The following DIS3L2 variants were observed in gnomAD, a reference collection of about 807,000 sequenced individuals.
DIS3L2 encodes DIS3-like exonuclease 2.
DIS3L2 carries 34 observed loss-of-function variants against 97.5 expected under a neutral mutation model. That is an observed-to-expected ratio of 0.35 (90% CI 0.27 to 0.46). DIS3L2 has a LOEUF of 0.46. Ranked by LOEUF, DIS3L2 falls within the 20% of genes least tolerant of loss-of-function variation. DIS3L2 has a pLI of 1.00. For missense variants in DIS3L2, 1,038 were observed against 1,146.0 expected, an observed-to-expected ratio of 0.91 and a Z score of 1.36; for synonymous variants, 435 against 445.2, an observed-to-expected ratio of 0.98 and a Z score of 0.29.
chr2:232,237,347 A>G (rs1474219773), intron 10 of DIS3L2, among the ~76,000 whole-genome samples: 2 of 152,114 alleles, frequency 1.3e-5, no homozygotes, highest in East Asian at 3.9e-4. Context: ...AGACAGCTCC[A>G]CCAGGAAGGG....
At chr2:232,338,244 A>G (rs3020199), downstream of DIS3L2, among the ~76,000 whole-genome samples, 14 of 151,612 alleles carry the variant, frequency 9.2e-5, no homozygotes, top group South Asian at 2.1e-4. Context: ...GGCCAGGCTG[A>G]CCCTGTCCCC....
chr2:232,333,016 A>G (rs952636492), intron 16 of DIS3L2, among the ~76,000 whole-genome samples: 4 of 151,692 alleles, frequency 2.6e-5, no homozygotes, highest in African/African-American at 9.7e-5. Context: ...AAAGACCCAC[A>G]GGCTCCTTGG....
chr2:232,236,306 G>A (rs560860817), intron 10 of DIS3L2, among the ~76,000 whole-genome samples: 7 of 152,276 alleles, frequency 4.6e-5, no homozygotes, highest in African/African-American at 1.7e-4. Flanking sequence ...CCTTAGGACT[G>A]ATCATTCAGG....
At chr2:231,989,531 C>T (rs758999871) in intron 1 of DIS3L2, among the ~76,000 whole-genome samples, 6 of 151,922 alleles carry the variant, frequency 3.9e-5, no homozygotes, top group East Asian at 1.9e-4. Context: ...TCTCCCCAAA[C>T]GGTAATTAAG....
At chr2:232,004,763 G>A (rs1188182049) in intron 1 of DIS3L2, among the ~76,000 whole-genome samples, 3 of 151,878 alleles carry the variant, frequency 2.0e-5, no homozygotes, top group Non-Finnish European at 4.4e-5. Context: ...TGTGTTTTTA[G>A]TAGAGACGGG....
At chr2:232,237,122 T>C (rs1016134466) in intron 10 of DIS3L2, among the ~76,000 whole-genome samples, 1 of 152,374 alleles carries the variant, frequency 6.6e-6, no homozygotes, top group East Asian at 1.9e-4. Context: ...CACACATACA[T>C]GTATATGTAT....
In DIS3L2 at chr2:231,966,641, A is replaced by ATTTTTTTTTTT. The variant is rs36151054; in HGVS notation, c.-94+4900_-94+4910dup. ...CACCATGCCCAGCTAGTTAAAAAACATTTTTTTTTTTTTTTTTTTTTTTTT... is the reference window on the plus strand; with the variant it reads ...CACCATGCCCAGCTAGTTAAAAAACATTTTTTTTTTTTTTTTTTTTTTTTTTTTTTTTTTTT... On this transcript the variant is annotated intron_variant, in intron 1 of 20. Transcript: ENST00000325385. Among the ~76,000 whole-genome samples the ATTTTTTTTTTT allele has an allele frequency of 2.7e-3, 137 of 50,414 alleles. 1 individual carries two copies. The highest frequency in any genetic ancestry group is 0.022 in the Middle Eastern group (1 of 46). The allele number at this position is 50,414 out of a possible 152,430, so 33.1% of individuals were successfully genotyped here.
intron 5 of DIS3L2, among the ~76,000 whole-genome samples, chr2:232,081,963 T>C (rs942079261): frequency 2.0e-5 from 3 of 152,230 alleles, no homozygotes; most frequent in Non-Finnish European, 4.4e-5. Flanking sequence ...CTAATTTTTG[T>C]ATTTTTGGTA....
chr2:232,106,054 G>A (rs1697350086), intron 6 of DIS3L2, among the ~76,000 whole-genome samples: 1 of 151,954 alleles, frequency 6.6e-6, no homozygotes, highest in Admixed American at 6.6e-5. Context: ...CCTTTTCCAT[G>A]CTCTCTAGAT....
chr2:232,326,004 A>C (rs560645557), intron 14 of DIS3L2, among the ~76,000 whole-genome samples: 1 of 147,474 alleles, frequency 6.8e-6, no homozygotes, highest in South Asian at 2.1e-4. Flanking sequence ...ACCACCCAGG[A>C]TAGCTTGGGG....
At chr2:232,041,043 A>G (rs1200628584) in intron 5 of DIS3L2, among the ~76,000 whole-genome samples, 1 of 152,236 alleles carries the variant, frequency 6.6e-6, no homozygotes. Flanking sequence ...CATAACTAAA[A>G]GCTTAGTGTT....
At chr2:231,984,205 C>T (rs561323428) in intron 1 of DIS3L2, among the ~76,000 whole-genome samples, 2 of 151,636 alleles carry the variant, frequency 1.3e-5, no homozygotes, top group African/African-American at 4.8e-5. Context: ...ATAGGAATGC[C>T]TCTGGTGCTT....
intron 13 of DIS3L2, among the ~76,000 whole-genome samples, chr2:232,290,285 C>T (rs559527016): frequency 7.9e-5 from 12 of 152,304 alleles, no homozygotes; most frequent in East Asian, 5.8e-4. Flanking sequence ...TGCTCAGGCA[C>T]GTGAGAGGCA....
chr2:232,041,057 C>T (rs1181383685), intron 5 of DIS3L2, among the ~76,000 whole-genome samples: 2 of 152,184 alleles, frequency 1.3e-5, no homozygotes, highest in Non-Finnish European at 2.9e-5. Context: ...TAGTGTTAGT[C>T]TCAGAAAATA....
intron 1 of DIS3L2, among the ~76,000 whole-genome samples, chr2:232,002,170 G>A (rs1574801730): frequency 6.6e-6 from 1 of 152,040 alleles, no homozygotes; most frequent in East Asian, 1.9e-4. Context: ...CTTTTTGAGG[G>A]CCAATTGATA....
At position 232,238,572 on chromosome 2, in the gene DIS3L2, A is replaced by G. The variant is rs2106252272; in HGVS notation, c.1244A>G (p.Tyr415Cys). ...KVGVHIADVS[Y>C]FVPEGSDLDK... ...GGAGTTCACATTGCTGACGTGAGTTACTTTGTTCCGGAGGGATCTGATCTG... is the reference window on the plus strand; with the variant it reads ...GGAGTTCACATTGCTGACGTGAGTTGCTTTGTTCCGGAGGGATCTGATCTG... The change falls in exon 11 of 21, where the codon TAC (tyrosine) becomes TGC (cysteine). Residue 415 changes from tyrosine (Y) to cysteine (C), a missense_variant. By Grantham distance (194) the Tyr-to-Cys change is radical. Coordinates refer to ENST00000325385, the MANE Select transcript of DIS3L2 (RefSeq NM_152383.5). 6.2e-7 allele frequency: 1 copy of G among 1,614,212 alleles called. No homozygotes were observed. The highest frequency in any genetic ancestry group is 8.5e-7 in the Non-Finnish European group (1 of 1,180,022).
At chr2:232,058,028 T>C (rs1016423311) in intron 5 of DIS3L2, among the ~76,000 whole-genome samples, 19 of 152,196 alleles carry the variant, frequency 1.2e-4, no homozygotes, top group Non-Finnish European at 8.8e-5. Flanking sequence ...TACACAAATA[T>C]AATCAAATAG....
At chr2:231,986,418 A>G (rs1272322656) in intron 1 of DIS3L2, among the ~76,000 whole-genome samples, 1 of 152,202 alleles carries the variant, frequency 6.6e-6, no homozygotes, top group Non-Finnish European at 1.5e-5. Flanking sequence ...CAGATCTATC[A>G]TCTATAACAA....
At chr2:232,316,577 T>C (rs1695282006) in intron 14 of DIS3L2, among the ~76,000 whole-genome samples, 1 of 152,102 alleles carries the variant, frequency 6.6e-6, no homozygotes. Context: ...TTCTGTTCAA[T>C]GGGAGGAAAG....
Sources: gnomAD v4.1 joint callset for allele counts (sites outside exome capture counted in the v4.1 genomes callset) on GRCh38, gnomAD v4.1.1 for gene constraint, MANE v1.5 for transcripts, NCBI Gene and HGNC (gene_info 2026-07-23, HGNC 2026-07-21) for gene names.